The following CFAP65 variants were observed in gnomAD, a reference collection of about 807,000 sequenced individuals.
CFAP65 encodes cilia and flagella associated protein 65.
CFAP65 carries 155 observed loss-of-function variants against 208.0 expected under a neutral mutation model. That is an observed-to-expected ratio of 0.75 (90% CI 0.65 to 0.85). The LOEUF (loss-of-function observed/expected upper bound fraction) is 0.85, where lower values mean the gene tolerates loss of function less well. Among genes scored for constraint, CFAP65 ranks in the 40% least tolerant of loss-of-function variants. CFAP65 has a pLI of 0.00. For synonymous variants in CFAP65, 970 were observed against 986.3 expected (o/e 0.98, Z 0.31); for missense variants, 2,294 against 2,451.3 (o/e 0.94, Z 1.36).
At position 219,029,267 on chromosome 2, in the gene CFAP65, C is replaced by T. The variant is rs186231397; in HGVS notation, c.1650+136G>A. 293 of 1,162,174 alleles carry T rather than the reference C, an allele frequency of 2.5e-4. 2 individuals carry two copies. The Admixed American group carries it at 3.3e-3, about 13-fold the overall frequency. 72.0% of individuals were successfully genotyped at this position (1,162,174 alleles called of 1,614,324 possible). A position where few individuals can be genotyped will look rare whatever the true frequency, so the allele number is the denominator to read the frequency against. ...TGGCTCCAAAAGCCAGGGCTGGGGC[C>T]CAGGAGTGGGAGACCACCAGGCAGA... is the stretch of plus-strand genomic sequence containing the variant. On this transcript the variant is annotated intron_variant, in intron 11 of 34. Coordinates refer to ENST00000341552, the MANE Select transcript of CFAP65 (RefSeq NM_194302.4).
At chr2:219,018,084 C>T (rs942248832) in intron 21 of CFAP65, among the ~76,000 whole-genome samples, 3 of 152,148 alleles carry the variant, frequency 2.0e-5, no homozygotes, top group Non-Finnish European at 4.4e-5. Context: ...CTCCACATTC[C>T]CCAAGGCTCT....
chr2:219,034,395 G>C (rs1237499423), intron 5 of CFAP65: 1 of 152,006 alleles, frequency 6.6e-6, no homozygotes, highest in Non-Finnish European at 1.5e-5. Context: ...ATAGACAAAA[G>C]ACAAATATAA....
chr2:219,014,048 G>A lies in CFAP65; in HGVS notation c.3603-4C>T. On this transcript the variant is annotated splice_polypyrimidine_tract_variant and splice_region_variant and intron_variant, in intron 21 of 34. Transcript: ENST00000341552. ...GTCACTTGGAAGGAGGAAGGCCCTG[G>A]GAGAGGGGTGCAAAGCCATACAAAG... 5.0e-6 allele frequency: 8 copies of A among 1,605,778 alleles called. No homozygotes were observed. The highest frequency in any genetic ancestry group is 6.8e-6 in the Non-Finnish European group (8 of 1,175,134).
chr2:219,028,476 G>A lies in CFAP65; in HGVS notation c.1651-75C>T. 2.3e-6 allele frequency: 3 copies of A among 1,320,570 alleles called. No individual in the cohort carries two copies. In the African/African-American group the frequency reaches 4.3e-5, roughly 19 times the overall value. The allele number at this position is 1,320,570 out of a possible 1,614,324, so 81.8% of individuals were successfully genotyped here. On this transcript the variant is annotated intron_variant, in intron 11 of 34. Coordinates refer to ENST00000341552, the MANE Select transcript of CFAP65 (RefSeq NM_194302.4). ...AGGGGGGTGCTGGGGGTTGAACTGA[G>A]GACAGAAGCTGGGCAGACAGGATAA...
At position 219,041,393 on chromosome 2, in the gene CFAP65, C is replaced by T. The variant is rs982067549; in HGVS notation, c.-49+95G>A. On this transcript the variant is annotated intron_variant, in intron 1 of 34. Transcript: ENST00000341552. ...GGAGGGGACCTCTGGCCACGATTTC[C>T]CGAAGGATAGGGTCTCCCGGGACAG... 10 of 1,403,144 alleles carry T rather than the reference C, an allele frequency of 7.1e-6. No individual in the cohort carries two copies. In the Admixed American group the frequency reaches 1.8e-4, roughly 25 times the overall value. The allele number at this position is 1,403,144 out of a possible 1,614,324, so 86.9% of individuals were successfully genotyped here. A position where few individuals can be genotyped will look rare whatever the true frequency, so the allele number is the denominator to read the frequency against.
Position 219,014,010 on chromosome 2 carries a change from C to G in CFAP65, c.3637G>C (p.Val1213Leu), listed in dbSNP as rs149988134. 80 of 1,612,814 alleles carry G rather than the reference C, an allele frequency of 5.0e-5. No homozygotes were observed. Among genetic ancestry groups the G allele is most frequent in the Non-Finnish European group, 6.8e-5 (80 of 1,179,422 alleles). The stretch of plus-strand genomic sequence containing the variant: ...TCTGCTTGCTCTGCCCAGAGCTCCA[C>G]GTCAATCCGCTGGTCACTTGGAAGG... ...FLLPSDQRID[V>L]ELWAEQAELN... Residue 1213 changes from valine to leucine, a missense_variant, in exon 22 of 35, where the codon GTG (valine) becomes CTG (leucine). By Grantham distance (32) the Val-to-Leu change is conservative (BLOSUM62 1). Coordinates refer to ENST00000341552, the MANE Select transcript of CFAP65 (RefSeq NM_194302.4).
chr2:219,013,634 A>T, intron 22 of CFAP65, 49 bp from the exon 23 acceptor site: 2 of 1,510,848 alleles, frequency 1.3e-6, no homozygotes, highest in Non-Finnish European at 1.8e-6. Flanking sequence ...GCCCTGGTAC[A>T]AGTAGGAGAG....
intron 26 of CFAP65, 101 bp from the exon 27 acceptor site, chr2:219,010,186 G>A (rs1946374892): frequency 5.7e-6 from 7 of 1,228,984 alleles, no homozygotes; most frequent in South Asian, 1.6e-5. Flanking sequence ...GGAGGATCAC[G>A]AGGTCAGAAA....
rs765097178 is a variant in CFAP65 at position 219,026,069 on chromosome 2, C to A, written c.2302G>T (p.Ala768Ser). 1.5e-5 allele frequency: 25 copies of A among 1,614,024 alleles called. No individual in the cohort carries two copies. The highest frequency in any genetic ancestry group is 2.0e-5 in the Non-Finnish European group (24 of 1,180,032). ...TGGGGGATGTGGTGCTCAAAGCCAG[C>A]GAAATAGCTGTGGCCTCGTGCCCGC... ...TVRARGHSYF[A>S]GFEHHIPQYS... Residue 768 changes from alanine (A) to serine (S), a missense_variant, in exon 14 of 35, where the codon GCT becomes TCT. By Grantham distance (99) the Ala-to-Ser change is moderately conservative. This residue lies in a region of CFAP65 where 867 missense variants were observed against 1,012.6 expected (regional missense o/e 0.86). Transcript: ENST00000341552.
chr2:219,010,043 GTA>G lies in CFAP65; in HGVS notation c.4349_4350del (p.Ile1450ThrfsTer47). Reference sequence around the variant, plus strand: ...AGGCGGCTGCACTTGCTCTGCACAGGTATGTTTCCCAGGGAAATATGAGACTG... The same window carrying G: ...AGGCGGCTGCACTTGCTCTGCACAGGTGTTTCCCAGGGAAATATGAGACTG... ...LSQSHISLGN[I>X]PVQSKCSRLL... On this transcript the variant is annotated frameshift_variant, in exon 27 of 35. Transcript: ENST00000341552. LOFTEE classifies it high-confidence loss of function. 6.2e-7 allele frequency: 1 copy of G among 1,609,646 alleles called. No homozygotes were observed.
intron 18 of CFAP65, 124 bp from the exon 19 acceptor site, chr2:219,021,404 G>T: frequency 8.3e-7 from 1 of 1,198,386 alleles, no homozygotes; most frequent in Non-Finnish European, 1.1e-6. Flanking sequence ...AGGAAACAGG[G>T]AGTGGAGCCC....
chr2:219,009,779 A>G (rs994014735), intron 27 of CFAP65, among the ~76,000 whole-genome samples, 163 bp downstream of exon 27: 86 of 12,616 alleles, frequency 6.8e-3, no homozygotes, highest in South Asian at 0.01. Context: ...GATGGGATGG[A>G]GTGGGGTGGG....
In CFAP65 at chr2:219,030,723, G is replaced by C. The variant is rs192687168; in HGVS notation, c.1127C>G (p.Ser376Trp). 6.8e-6 allele frequency: 11 copies of C among 1,614,108 alleles called. No individual in the cohort carries two copies. In the South Asian group the frequency reaches 1.2e-4, roughly 18 times the overall value. The change falls in exon 9 of 35, where the codon TCG becomes TGG. Residue 376 changes from serine (S) to tryptophan (W), a missense_variant. Around this residue, in one of 2 missense-constraint regions of CFAP65, gnomAD observed 867 missense variants for 1,012.6 expected, o/e 0.86. Coordinates refer to ENST00000341552, the MANE Select transcript of CFAP65 (RefSeq NM_194302.4). ...GTTGTGTAGCCTGATCTGCCTCTCC[G>C]AGGTGCAGCCCACAGCAACAGAGCC... is the stretch of plus-strand genomic sequence containing the variant. ...YFGSVAVGCT[S>W]ERQIRLHNPS...
In CFAP65 at chr2:219,022,168, C is replaced by T; in HGVS notation, c.2979+3G>A. The T allele has an allele frequency of 1.3e-6, 2 of 1,585,292 alleles. No individual in the cohort carries two copies. Among genetic ancestry groups the T allele is most frequent in the Non-Finnish European group, 1.7e-6 (2 of 1,164,244 alleles). On this transcript the variant is annotated splice_donor_region_variant and intron_variant, in intron 17 of 34. Transcript: ENST00000341552. ...CCCCTCCTGCCAGAGCCCTCCCACT[C>T]ACAGAGAGGCTGCTGGTGAGCCCAA...
chr2:219,026,268 A>G, intron 13 of CFAP65, 109 bp from the exon 14 acceptor site: 2 of 1,224,220 alleles, frequency 1.6e-6, no homozygotes, highest in Non-Finnish European at 1.1e-6. Flanking sequence ...GACATTGGAC[A>G]CAGACAGGAG....
rs759770231 is a variant in CFAP65, at chr2:219,019,513, G to A, written c.3466C>T (p.Arg1156Trp). The change falls in exon 20 of 35, where the codon CGG becomes TGG. Residue 1156 changes from arginine (R) to tryptophan (W), a missense_variant. Coordinates refer to ENST00000341552, the MANE Select transcript of CFAP65 (RefSeq NM_194302.4). Reference protein sequence around the residue: ...PCELTYKVPTRHSMSQIPPVL... With the variant: ...PCELTYKVPTWHSMSQIPPVL... ...ACTCCAGGCTCAGCTCACCTGTGCC[G>A]GGTGGGCACCTTGTAGGTGAGCTCA... 8.4e-5 allele frequency: 136 copies of A among 1,611,908 alleles called. No homozygotes were observed. The highest frequency in any genetic ancestry group is 5.3e-4 in the South Asian group (48 of 90,972).
intron 4 of CFAP65, among the ~76,000 whole-genome samples, chr2:219,037,341 G>A (rs1421244524): frequency 6.6e-6 from 1 of 152,232 alleles, no homozygotes; most frequent in Non-Finnish European, 1.5e-5. Context: ...GCAGTGAGCT[G>A]AGATTGCACC....
chr2:219,024,487 A>AGGGGGGGG (rs1046581884), intron 14 of CFAP65, among the ~76,000 whole-genome samples: 2 of 3,110 alleles, frequency 6.4e-4, no homozygotes, highest in African/African-American at 2.2e-3. Context: ...GGGGGGGGGC[A>AGGGGGGGG]GGGGGGCGGG....
At chr2:219,006,792 C>T in intron 29 of CFAP65, among the ~76,000 whole-genome samples, 1 of 150,830 alleles carries the variant, frequency 6.6e-6, no homozygotes, top group East Asian at 1.9e-4. Flanking sequence ...CAAGATGGCG[C>T]CACTGCACTC....
Sources: gnomAD v4.1 joint callset for allele counts (sites outside exome capture counted in the v4.1 genomes callset) on GRCh38, gnomAD v4.1.1 for gene constraint, gnomAD v4.1.1 regional missense constraint, MANE v1.5 for transcripts, NCBI Gene and HGNC (gene_info 2026-07-23, HGNC 2026-07-21) for gene names.